DMTN: variants seen among roughly 807,000 people sequenced by gnomAD.
DMTN encodes dematin.
DMTN carries 27 observed loss-of-function variants against 59.4 expected under a neutral mutation model. The ratio of observed to expected loss-of-function variants is 0.45; its 90% CI spans 0.33 to 0.63. The LOEUF (loss-of-function observed/expected upper bound fraction) is 0.63. Among genes scored for constraint, DMTN ranks in the 20% least tolerant of loss-of-function variants. DMTN has a pLI of 0.02. For synonymous variants in DMTN, 221 were observed against 203.7 expected (o/e 1.08, Z -0.72); for missense variants, 451 against 528.9 (o/e 0.85, Z 1.45).
intron 10 of DMTN, among the ~76,000 whole-genome samples, chr8:22,074,522 G>A (rs1462563001): frequency 6.6e-6 from 1 of 152,156 alleles, no homozygotes; most frequent in Non-Finnish European, 1.5e-5. Flanking sequence ...CAATCATCCC[G>A]CCTTGGCCTC....
chr8:22,061,244 C>T (rs1344216976), intron 1 of DMTN, among the ~76,000 whole-genome samples: 5 of 139,016 alleles, frequency 3.6e-5, no homozygotes, highest in Non-Finnish European at 6.1e-5. Flanking sequence ...GATCATGCCA[C>T]AGTGCTCCAG....
At chr8:22,067,449 A>G in intron 3 of DMTN, 78 bp from the exon 4 acceptor site, 3 of 1,565,990 alleles carry the variant, frequency 1.9e-6, no homozygotes, top group Non-Finnish European at 2.6e-6. Context: ...TTGGTAATTG[A>G]CGTAAGTCTA....
intron 6 of DMTN, 74 bp from the exon 7 acceptor site, chr8:22,069,807 T>A: frequency 3.2e-6 from 5 of 1,539,112 alleles, no homozygotes; most frequent in Non-Finnish European, 4.5e-6. Context: ...TCCCGTTCCA[T>A]CATCTCCATT....
rs140641679 is a variant in DMTN at position 22,082,264 on chromosome 8, C to G, written c.*801C>G. 1 of 456,882 alleles carries G rather than the reference C, an allele frequency of 2.2e-6. No homozygotes were observed. Among genetic ancestry groups the G allele is most frequent in the Non-Finnish European group, 4.4e-6 (1 of 227,042 alleles). 28.3% of individuals were successfully genotyped at this position (456,882 alleles called of 1,614,324 possible). On this transcript the variant is annotated 3_prime_UTR_variant, in exon 16 of 16. Coordinates refer to ENST00000358242, the MANE Select transcript of DMTN (RefSeq NM_001387751.1). ...GGCTACCAGCTCTCACCTACACCCACGCACCCCCCCACACACTATGCTCTC... is the reference window on the plus strand; with the variant it reads ...GGCTACCAGCTCTCACCTACACCCAGGCACCCCCCCACACACTATGCTCTC...
rs1390490446 is a variant in DMTN at position 22,058,078 on chromosome 8, AG to A, written c.-172+943del. The A allele has an allele frequency of 1.3e-5, 2 of 152,566 alleles. No homozygotes were observed. Among genetic ancestry groups the A allele is most frequent in the East Asian group, 3.8e-4 (2 of 5,200 alleles). The allele number at this position is 152,566 out of a possible 1,614,324, so 9.5% of individuals were successfully genotyped here. A position where few individuals can be genotyped will look rare whatever the true frequency, so the allele number is the denominator to read the frequency against. On this transcript the variant is annotated intron_variant, in intron 1 of 15. Transcript: ENST00000358242. The surrounding 1 kb of genome is among the most constrained non-coding windows in gnomAD (Gnocchi z 4.3). ...GGGTGTTGGCAGCACCATGTGTCAC[AG>A]TGAGGGGGCCTCGATGGGAGAGTGG...
Position 22,066,849 on chromosome 8 carries a change from T to G in DMTN, c.-27T>G. Reference sequence around the variant, plus strand: ...CCCCTCGCGCACAGGGCTCTGCGAGTGACCCGGCGGGCGAGCTCCGTGCTG... The same window carrying G: ...CCCCTCGCGCACAGGGCTCTGCGAGGGACCCGGCGGGCGAGCTCCGTGCTG... On this transcript the variant is annotated 5_prime_UTR_variant, in exon 2 of 16. Transcript: ENST00000358242. 1 of 1,413,416 alleles carries G rather than the reference T, an allele frequency of 7.1e-7. No individual in the cohort carries two copies. Among genetic ancestry groups the G allele is most frequent in the Non-Finnish European group, 9.3e-7 (1 of 1,080,828 alleles). The allele number at this position is 1,413,416 out of a possible 1,614,324, so 87.6% of individuals were successfully genotyped here.
chr8:22,053,380 G>C (rs1185716800), upstream of DMTN, among the ~76,000 whole-genome samples: 1 of 152,210 alleles, frequency 6.6e-6, no homozygotes, highest in Admixed American at 6.5e-5. Context: ...TCTCTGGTGA[G>C]AATGGTGGCT....
At chr8:22,059,369 C>G (rs1025488316) in intron 1 of DMTN, 1 of 152,276 alleles carries the variant, frequency 6.6e-6, no homozygotes, top group African/African-American at 2.4e-5. Context: ...ACTGTCTGCA[C>G]CAGCCGGCCT....
chr8:22,073,886 GA>G, intron 10 of DMTN, 51 bp downstream of exon 10: 1 of 1,475,980 alleles, frequency 6.8e-7, no homozygotes, highest in Non-Finnish European at 9.5e-7. Flanking sequence ...ATGGAGGCCT[GA>G]CTCTGTGCAT....
chr8:22,051,687 C>G (rs1291804552), upstream of DMTN, among the ~76,000 whole-genome samples: 4 of 152,184 alleles, frequency 2.6e-5, no homozygotes, highest in African/African-American at 9.7e-5. Context: ...TCAGCCACCG[C>G]CTCCTTGCGC....
chr8:22,079,853 G>T (rs1822970835), intron 10 of DMTN, among the ~76,000 whole-genome samples: 1 of 151,792 alleles, frequency 6.6e-6, no homozygotes, highest in Non-Finnish European at 1.5e-5. Flanking sequence ...AGTTTTCTTT[G>T]TGTATCCCAG....
intron 1 of DMTN, among the ~76,000 whole-genome samples, chr8:22,061,126 G>A (rs1806021495): frequency 6.6e-6 from 1 of 151,442 alleles, no homozygotes; most frequent in Non-Finnish European, 1.5e-5. Flanking sequence ...AAAAAAATTT[G>A]TTTTGAATTA....
intron 10 of DMTN, among the ~76,000 whole-genome samples, chr8:22,078,456 G>C (rs537130361): frequency 6.8e-6 from 1 of 146,754 alleles, no homozygotes; most frequent in South Asian, 2.1e-4. Context: ...TATTAAGATA[G>C]TTCCTCATAG....
chr8:22,074,866 C>A (rs1264070843), intron 10 of DMTN, among the ~76,000 whole-genome samples: 1 of 152,060 alleles, frequency 6.6e-6, no homozygotes, highest in Non-Finnish European at 1.5e-5. Flanking sequence ...ACCTGAAAAC[C>A]CAGCAATGAA....
chr8:22,062,941 G>C (rs1261457432), intron 1 of DMTN, among the ~76,000 whole-genome samples: 2 of 152,088 alleles, frequency 1.3e-5, no homozygotes, highest in Admixed American at 6.6e-5. Context: ...CTCTCTGACT[G>C]TGCCATCTCT....
rs912255072 is a variant in DMTN, at chr8:22,060,399, T to C, written c.-172+3263T>C. Among the ~76,000 whole-genome samples, 13 of 147,558 alleles carry C rather than the reference T, an allele frequency of 8.8e-5. No homozygotes were observed. The highest frequency in any genetic ancestry group is 8.8e-4 in the Admixed American group (13 of 14,818). On this transcript the variant is annotated intron_variant, in intron 1 of 15. Coordinates refer to ENST00000358242, the MANE Select transcript of DMTN (RefSeq NM_001387751.1). This position sits in a 1 kb window ranked among gnomAD's most constrained non-coding sequence, Gnocchi z 5.0. ...GCCAAGGAAACTCTCTCTCTCTTTC[T>C]CTCTTTCTGTCTCGCTCTCTCTCTC...
chr8:22,069,412 T>G lies in DMTN; in HGVS notation c.295-7T>G. The G allele has an allele frequency of 6.2e-7, 1 of 1,611,574 alleles. No homozygotes were observed. The highest frequency in any genetic ancestry group is 2.2e-5 in the East Asian group (1 of 44,796). The stretch of plus-strand genomic sequence containing the variant: ...GGGCCCTGGAGCCACACGCTTCTGC[T>G]CTGCAGGTGTGGGCGGACAGCCGGT... On this transcript the variant is annotated splice_region_variant and splice_polypyrimidine_tract_variant and intron_variant, in intron 5 of 15. Coordinates refer to ENST00000358242, the MANE Select transcript of DMTN (RefSeq NM_001387751.1).
intron 1 of DMTN, among the ~76,000 whole-genome samples, chr8:22,057,548 AT>A (rs1301756719): frequency 3.3e-5 from 5 of 152,062 alleles, no homozygotes; most frequent in African/African-American, 1.2e-4. Context: ...GGAGCAGTAC[AT>A]TTAGGGGCCT....
At chr8:22,080,561 C>G in intron 12 of DMTN, 57 bp from the exon 13 acceptor site, 1 of 1,613,298 alleles carries the variant, frequency 6.2e-7, no homozygotes, top group Admixed American at 1.7e-5. Context: ...TGAGGTCAGG[C>G]GTGTTGGCCT....
Sources: gnomAD v4.1 joint callset for allele counts (sites outside exome capture counted in the v4.1 genomes callset) on GRCh38, gnomAD v4.1.1 for gene constraint, Gnocchi (gnomAD v3.1) non-coding constraint, MANE v1.5 for transcripts, NCBI Gene and HGNC (gene_info 2026-07-23, HGNC 2026-07-21) for gene names.